Variants in USP34 observed in about 807,000 individuals in gnomAD.
The protein encoded by USP34 is ubiquitin carboxyl-terminal hydrolase 34.
USP34 carries 70 observed loss-of-function variants against 460.3 expected under a neutral mutation model. That is an observed-to-expected ratio of 0.15 (90% CI 0.13 to 0.19). USP34 has a LOEUF of 0.19. Ranked by LOEUF, USP34 falls within the 10% of genes least tolerant of loss-of-function variation. USP34 has a pLI of 1.00. For missense variants in USP34, 3,985 were observed against 4,236.2 expected (o/e 0.94, Z 1.65); for synonymous variants, 1,647 against 1,405.3 (o/e 1.17, Z -3.85).
chr2:61,291,690 G>A (rs150851040), intron 33 of USP34, among the ~76,000 whole-genome samples: 31 of 152,306 alleles, frequency 2.0e-4, no homozygotes, highest in Non-Finnish European at 2.8e-4. Flanking sequence ...TTGGGAAAAT[G>A]TAAATGCTAG....
intron 48 of USP34, among the ~76,000 whole-genome samples, chr2:61,249,400 G>T (rs766319898): frequency 2.6e-5 from 4 of 152,240 alleles, no homozygotes; most frequent in Non-Finnish European, 4.4e-5. Context: ...CCCAGGTGGG[G>T]ACTGTGCCAG....
intron 42 of USP34, chr2:61,265,772 A>G (rs1489318406): frequency 5.8e-6 from 4 of 692,824 alleles, no homozygotes; most frequent in Non-Finnish European, 8.2e-6. Flanking sequence ...TTGGCCCCAA[A>G]TTACTTTTAC....
rs71403400 is a variant in USP34 at position 61,237,554 on chromosome 2, A to ATT, written c.6778-1167_6778-1166dup. Among the ~76,000 whole-genome samples the ATT allele has an allele frequency of 9.5e-3, 429 of 45,152 alleles. 63 individuals are homozygous for ATT. The highest frequency in any genetic ancestry group is 0.036 in the Middle Eastern group (2 of 56). 29.6% of individuals were successfully genotyped at this position (45,152 alleles called of 152,430 possible). A position where few individuals can be genotyped will look rare whatever the true frequency, so the allele number is the denominator to read the frequency against. ...GTATGTGTATAGCTATTTTCTGTGG[A>ATT]TTTTTTTTTTTTTTTTTTTTTTTTT... On this transcript the variant is annotated intron_variant, in intron 53 of 79. Coordinates refer to ENST00000398571, the MANE Select transcript of USP34 (RefSeq NM_014709.4).
At position 61,350,575 on chromosome 2, in the gene USP34, G is replaced by C. The variant is rs1691915473; in HGVS notation, c.1370C>G (p.Thr457Ser). 14 of 1,610,812 alleles carry C rather than the reference G, an allele frequency of 8.7e-6. No individual in the cohort carries two copies. The highest frequency in any genetic ancestry group is 1.2e-5 in the Non-Finnish European group (14 of 1,179,118). The change falls in exon 11 of 80, where the codon ACT becomes AGT. Residue 457 changes from threonine (T) to serine (S), a missense_variant. Thr to Ser is a moderately conservative substitution (Grantham distance 58). Transcript: ENST00000398571. Reference sequence around the variant, plus strand: ...ATGTTTTGAATGTATTACCTGTTCAGTATGAACACTTGGCTCAAGAGCTGA... The same window carrying C: ...ATGTTTTGAATGTATTACCTGTTCACTATGAACACTTGGCTCAAGAGCTGA... ...LVSALEPSVHTEQTLYLASML... is the reference protein window; with the variant it reads ...LVSALEPSVHSEQTLYLASML...
At chr2:61,304,959 G>A (rs1406676939) in intron 27 of USP34, among the ~76,000 whole-genome samples, 2 of 151,994 alleles carry the variant, frequency 1.3e-5, no homozygotes, top group Non-Finnish European at 2.9e-5. Flanking sequence ...AAAAACTCTT[G>A]ATTTATAATT....
At chr2:61,285,304 G>A (rs1689654033) in intron 34 of USP34, among the ~76,000 whole-genome samples, 1 of 151,862 alleles carries the variant, frequency 6.6e-6, no homozygotes, top group African/African-American at 2.4e-5. Context: ...GCTGGCCAAT[G>A]TGGTAAAACT....
intron 15 of USP34, among the ~76,000 whole-genome samples, chr2:61,345,392 GTA>G (rs1304137685): frequency 6.6e-6 from 1 of 152,120 alleles, no homozygotes; most frequent in Non-Finnish European, 1.5e-5. Context: ...GAAGTAATAT[GTA>G]TAGATATGTA....
intron 10 of USP34, among the ~76,000 whole-genome samples, chr2:61,365,877 G>A (rs1414855440): frequency 6.6e-6 from 1 of 152,058 alleles, no homozygotes; most frequent in Admixed American, 6.5e-5. Context: ...AATCCACAAA[G>A]AAAATTAAAG....
At chr2:61,317,865 A>T (rs1690798254) in intron 22 of USP34, 98 bp from the exon 23 acceptor site, 1 of 800,208 alleles carries the variant, frequency 1.2e-6, no homozygotes, top group Non-Finnish European at 1.9e-6. Context: ...CTGTAGAAGG[A>T]AACAGATCAG....
chr2:61,470,466 C>T (rs1418514521), intron 1 of USP34, among the ~76,000 whole-genome samples, 184 bp downstream of exon 1: 1 of 149,032 alleles, frequency 6.7e-6, no homozygotes, highest in Non-Finnish European at 1.5e-5. Flanking sequence ...CCAGGTAACC[C>T]GGCCGGGCTG....
chr2:61,361,311 T>C (rs954535242), intron 10 of USP34, among the ~76,000 whole-genome samples: 4 of 152,116 alleles, frequency 2.6e-5, no homozygotes, highest in African/African-American at 9.7e-5. Flanking sequence ...GTCCTAGCTA[T>C]TTTGAAAGGC....
At chr2:61,385,199 A>G in intron 5 of USP34, among the ~76,000 whole-genome samples, 1 of 152,206 alleles carries the variant, frequency 6.6e-6, no homozygotes, top group East Asian at 1.9e-4. Context: ...ACACCTCTAC[A>G]TAAAAAGTTG....
chr2:61,311,331 C>G (rs1406117187), intron 27 of USP34, among the ~76,000 whole-genome samples: 1 of 152,134 alleles, frequency 6.6e-6, no homozygotes, highest in African/African-American at 2.4e-5. Flanking sequence ...TGCTGGTACC[C>G]TGATCTTGGA....
At chr2:61,319,569 G>A (rs1472845768) in intron 21 of USP34, among the ~76,000 whole-genome samples, 2 of 151,944 alleles carry the variant, frequency 1.3e-5, no homozygotes, top group African/African-American at 2.4e-5. Flanking sequence ...CAGCAGCCAG[G>A]TGAAGTGGCT....
chr2:61,418,538 G>A (rs948434757), intron 2 of USP34, among the ~76,000 whole-genome samples: 20 of 152,158 alleles, frequency 1.3e-4, no homozygotes, highest in South Asian at 6.2e-4. Flanking sequence ...TTATCTCCAC[G>A]CTAAGGTTCA....
Position 61,402,513 on chromosome 2 carries a change from T to G in USP34, c.552+3195A>C, listed in dbSNP as rs574895802. Among the ~76,000 whole-genome samples, 10 of 152,292 alleles carry G rather than the reference T, an allele frequency of 6.6e-5. No individual in the cohort carries two copies. In the South Asian group the frequency reaches 1.7e-3, roughly 25 times the overall value. On this transcript the variant is annotated intron_variant, in intron 3 of 79. Coordinates refer to ENST00000398571, the MANE Select transcript of USP34 (RefSeq NM_014709.4). ...TAGAGTAAGACCCGGATTCTAGGAC[T>G]CTTCTCAGCAATATGCCCAATCAAA...
In USP34 at chr2:61,319,221, A is replaced by T; in HGVS notation, c.3120T>A (p.Asp1040Glu). The change falls in exon 22 of 80, where the codon GAT becomes GAA. Residue 1040 changes from aspartate to glutamate, a missense_variant. Physicochemically the swap from Asp to Glu is conservative, Grantham distance 45 (BLOSUM62 2). This residue lies in a region of USP34 where 1,114 missense variants were observed against 1,122.5 expected (regional missense o/e 0.99). Transcript: ENST00000398571. ...AGGTTTCCATACCCATAGCATGTTG[A>T]TCTTTACTTCGAACTTGATTTAAAA... ...HWFLNQVRSKDQHAMGMETYK... is the reference protein window; with the variant it reads ...HWFLNQVRSKEQHAMGMETYK... The T allele has an allele frequency of 6.3e-7, 1 of 1,591,988 alleles. No homozygotes were observed. The highest frequency in any genetic ancestry group is 8.5e-7 in the Non-Finnish European group (1 of 1,173,562).
At chr2:61,189,313 G>T (rs1364909155) in intron 78 of USP34, 2 of 366,398 alleles carry the variant, frequency 5.5e-6, no homozygotes, top group Non-Finnish European at 9.6e-6. Flanking sequence ...TTGTTCTTTG[G>T]CAAGGCTGGA....
chr2:61,357,547 C>G (rs1344324274), intron 10 of USP34, among the ~76,000 whole-genome samples: 2 of 151,678 alleles, frequency 1.3e-5, no homozygotes, highest in Non-Finnish European at 2.9e-5. Flanking sequence ...AGAAACAAAC[C>G]TAAAGCTAGT....
Sources: gnomAD v4.1 joint callset for allele counts (sites outside exome capture counted in the v4.1 genomes callset) on GRCh38, gnomAD v4.1.1 for gene constraint, gnomAD v4.1.1 regional missense constraint, MANE v1.5 for transcripts, NCBI Gene and HGNC (gene_info 2026-07-23, HGNC 2026-07-21) for gene names.